Variants in PARP4 observed in about 807,000 individuals in gnomAD.
PARP4 encodes protein mono-ADP-ribosyltransferase PARP4.
A neutral mutation model predicts 187.7 loss-of-function variants in PARP4; 120 were observed. The observed-to-expected ratio is 0.64, with a 90% CI of 0.55 to 0.74. The LOEUF (loss-of-function observed/expected upper bound fraction) is 0.74. PARP4 is among the 30% of genes least tolerant of loss of function. The pLI is 0.00. For missense variants in PARP4, 1,836 were observed against 2,070.5 expected (o/e 0.89, Z 2.20); for synonymous variants, 654 against 740.9 (o/e 0.88, Z 1.90).
chr13:24,499,189 A>G (rs909349330), intron 5 of PARP4, 112 bp downstream of exon 5: 1 of 1,110,918 alleles, frequency 9.0e-7, no homozygotes, highest in African/African-American at 1.6e-5. Context: ...TATTCAGGAT[A>G]TGCATAATTT....
At chr13:24,511,657 C>T (rs1392814666) in intron 1 of PARP4, among the ~76,000 whole-genome samples, 1 of 152,208 alleles carries the variant, frequency 6.6e-6, no homozygotes, top group Non-Finnish European at 1.5e-5. Context: ...CTGAGGAGTC[C>T]CTTTCTGGGC....
chr13:24,431,968 C>A (rs1267725447), intron 31 of PARP4, among the ~76,000 whole-genome samples: 1 of 152,172 alleles, frequency 6.6e-6, no homozygotes, highest in Non-Finnish European at 1.5e-5. Flanking sequence ...ACCTCATGAT[C>A]CACCCGCCTC....
chr13:24,485,309 T>A (rs1340396848), intron 11 of PARP4, among the ~76,000 whole-genome samples: 5 of 152,184 alleles, frequency 3.3e-5, no homozygotes, highest in Non-Finnish European at 5.9e-5. Flanking sequence ...TTTTCCAGAA[T>A]TATTCTGGTA....
At chr13:24,487,254 G>C (rs1441675058) in intron 10 of PARP4, among the ~76,000 whole-genome samples, 4 of 115,432 alleles carry the variant, frequency 3.5e-5, no homozygotes, top group Non-Finnish European at 5.9e-5. Flanking sequence ...GCAAGGCTCC[G>C]TCAAAAAAAA....
intron 15 of PARP4, among the ~76,000 whole-genome samples, chr13:24,473,230 C>G (rs1249900565): frequency 3.3e-5 from 5 of 152,046 alleles, no homozygotes; most frequent in Non-Finnish European, 7.4e-5. Flanking sequence ...CGGCCACCAC[C>G]CTGGTATTTA....
At chr13:24,499,196 A>G (rs751384194) in intron 5 of PARP4, 105 bp downstream of exon 5, 52 of 1,285,058 alleles carry the variant, frequency 4.0e-5, no homozygotes, top group Non-Finnish European at 5.1e-5. Context: ...GATATGCATA[A>G]TTTTTCAAAA....
chr13:24,459,523 C>CTG, intron 18 of PARP4: 1 of 378,270 alleles, frequency 2.6e-6, no homozygotes, highest in East Asian at 4.7e-5. Context: ...CTACATATGT[C>CTG]TGTGTGTATA....
intron 2 of PARP4, 146 bp downstream of exon 2, chr13:24,503,499 T>A (rs536571851): frequency 6.5e-6 from 6 of 925,460 alleles, no homozygotes; most frequent in Non-Finnish European, 9.9e-6. Context: ...AGCCTCCCAA[T>A]GGGCCATGTC....
chr13:24,489,942 T>C (rs1355989076), intron 10 of PARP4, among the ~76,000 whole-genome samples: 2 of 152,206 alleles, frequency 1.3e-5, no homozygotes, highest in Non-Finnish European at 2.9e-5. Flanking sequence ...GACAACTGGC[T>C]CTCATAAGCT....
At chr13:24,468,025 G>A (rs1593621821) in intron 17 of PARP4, among the ~76,000 whole-genome samples, 1 of 152,176 alleles carries the variant, frequency 6.6e-6, no homozygotes, top group East Asian at 1.9e-4. Context: ...AATCTTGAAT[G>A]TGCCCCTAGC....
At chr13:24,493,864 G>T in intron 7 of PARP4, 131 bp from the exon 8 acceptor site, 1 of 813,128 alleles carries the variant, frequency 1.2e-6, no homozygotes. Context: ...TCCCCAGCCA[G>T]GTAACTAAAT....
rs1869093652 is a variant in PARP4 at position 24,498,655 on chromosome 13, G to A, written c.478-426C>T. On this transcript the variant is annotated intron_variant, in intron 5 of 33. Coordinates refer to ENST00000381989, the MANE Select transcript of PARP4 (RefSeq NM_006437.4). ...TTGCCCAGGGTGGCCTCAAACTCCT[G>A]AGCTCAAGAGATCCACCTGCCTTAG... Among the ~76,000 whole-genome samples, 4 of 152,120 alleles carry A rather than the reference G, an allele frequency of 2.6e-5. No individual in the cohort carries two copies. In the South Asian group the frequency reaches 8.3e-4, roughly 32 times the overall value.
At chr13:24,448,722 T>C (rs1871339904) in intron 25 of PARP4, among the ~76,000 whole-genome samples, 1 of 152,184 alleles carries the variant, frequency 6.6e-6, no homozygotes, top group Non-Finnish European at 1.5e-5. Context: ...AACCCAAGTG[T>C]CCACCGATAG....
At chr13:24,471,569 CA>C (rs1211023674) in intron 15 of PARP4, among the ~76,000 whole-genome samples, 1 of 152,136 alleles carries the variant, frequency 6.6e-6, no homozygotes, top group Non-Finnish European at 1.5e-5. Flanking sequence ...CAAGAAGGGT[CA>C]AAATGTATGA....
At chr13:24,508,208 A>C (rs775449287) in intron 1 of PARP4, among the ~76,000 whole-genome samples, 18 of 152,158 alleles carry the variant, frequency 1.2e-4, no homozygotes, top group Non-Finnish European at 2.4e-4. Context: ...AAAAGCCTTT[A>C]ATGACTCTTT....
At chr13:24,452,649 G>A in intron 23 of PARP4, 56 bp from the exon 24 acceptor site, 2 of 1,415,360 alleles carry the variant, frequency 1.4e-6, no homozygotes, top group Non-Finnish European at 2.0e-6. Context: ...GTCACCATTT[G>A]CTGTCATCAT....
chr13:24,461,198 T>C (rs1039041640), intron 17 of PARP4, among the ~76,000 whole-genome samples: 3 of 152,244 alleles, frequency 2.0e-5, no homozygotes, highest in African/African-American at 4.8e-5. Context: ...TAATTTAGGC[T>C]TAAAGGTTAA....
intron 12 of PARP4, among the ~76,000 whole-genome samples, chr13:24,479,006 G>A (rs1285973166): frequency 6.6e-6 from 1 of 152,184 alleles, no homozygotes; most frequent in Admixed American, 6.5e-5. Context: ...GTAAGAACTG[G>A]TCAAAGGGAA....
At chr13:24,424,703 ACT>A (rs112894170) in intron 33 of PARP4, among the ~76,000 whole-genome samples, 57,134 of 139,354 alleles carry the variant, frequency 0.41, 12,370 homozygotes, top group African/African-American at 0.55. Context: ...ACGGAGTCTC[ACT>A]CTGTCACCCA....
Sources: allele counts gnomAD v4.1 joint callset (sites outside exome capture counted in the v4.1 genomes callset), GRCh38; gene constraint gnomAD v4.1.1; transcripts MANE v1.5; gene names NCBI Gene and HGNC (gene_info 2026-07-23, HGNC 2026-07-21).